Variants in DHX34 observed in about 807,000 individuals in gnomAD.
DHX34 encodes probable ATP-dependent RNA helicase DHX34.
DHX34 carries 96 observed loss-of-function variants against 111.1 expected under a neutral mutation model. That is an observed-to-expected ratio of 0.86 (90% CI 0.73 to 1.02). The LOEUF (loss-of-function observed/expected upper bound fraction) is 1.02. Ranked by LOEUF, DHX34 falls within the 50% of genes least tolerant of loss-of-function variation. The probability of loss-of-function intolerance (pLI) is 0.00; values close to 1 mark genes in which losing one functional copy is unlikely to be tolerated. For missense variants in DHX34, 1,560 were observed against 1,579.9 expected (o/e 0.99, Z 0.21); for synonymous variants, 688 against 670.4 (o/e 1.03, Z -0.41).
chr19:47,382,403 C>T lies in DHX34; in HGVS notation c.*290C>T, dbSNP rs768595881. The T allele has an allele frequency of 9.4e-5, 36 of 383,276 alleles. No homozygotes were observed. Among genetic ancestry groups the T allele is most frequent in the Non-Finnish European group, 1.4e-4 (29 of 214,620 alleles). 23.7% of individuals were successfully genotyped at this position (383,276 alleles called of 1,614,324 possible). A position where few individuals can be genotyped will look rare whatever the true frequency, so the allele number is the denominator to read the frequency against. On this transcript the variant is annotated 3_prime_UTR_variant, in exon 17 of 17. Transcript: ENST00000328771. ...CCTGAGGGGTCCTGGGTAGGAGGGGCGTTAGAGCCAGCAGGGACCTCCCAT... is the reference window on the plus strand; with the variant it reads ...CCTGAGGGGTCCTGGGTAGGAGGGGTGTTAGAGCCAGCAGGGACCTCCCAT...
intron 2 of DHX34, among the ~76,000 whole-genome samples, chr19:47,354,565 C>A (rs1213512053): frequency 6.6e-6 from 1 of 152,216 alleles, no homozygotes. Flanking sequence ...TCAGTTGGCA[C>A]TAAGTGGCAG....
chr19:47,376,963 T>C, intron 12 of DHX34, 137 bp from the exon 13 acceptor site: 1 of 1,545,396 alleles, frequency 6.5e-7, no homozygotes. Context: ...GACCTTCTTG[T>C]CTGAGCCAGG....
At chr19:47,381,917 G>A (rs1366657088) in intron 16 of DHX34, 63 bp from the exon 17 acceptor site, 39 of 1,603,102 alleles carry the variant, frequency 2.4e-5, no homozygotes, top group Non-Finnish European at 3.2e-5. Flanking sequence ...CCTGGCATTT[G>A]GGTGCAGGTA....
At chr19:47,376,998 A>G (rs751312066) in intron 12 of DHX34, 102 bp from the exon 13 acceptor site, 1 of 1,584,720 alleles carries the variant, frequency 6.3e-7, no homozygotes, top group Non-Finnish European at 8.6e-7. Context: ...CCGTAAGCAT[A>G]CTCTTTCTAT....
At position 47,355,112 on chromosome 19, in the gene DHX34, TC is replaced by T; in HGVS notation, c.781del (p.Leu261CysfsTer16). ...TKIVFLTVGL[L>X]LRQIQREPSL... ...ATTGTATTCCTGACAGTGGGGCTGCTCCTGCGACAAATCCAGCGGGAACCCA... is the reference window on the plus strand; with the variant it reads ...ATTGTATTCCTGACAGTGGGGCTGCTCTGCGACAAATCCAGCGGGAACCCA... On this transcript the variant is annotated frameshift_variant, in exon 3 of 17. Coordinates refer to ENST00000328771, the MANE Select transcript of DHX34 (RefSeq NM_014681.6). LOFTEE classifies it high-confidence loss of function. 1 of 1,613,896 alleles carries T rather than the reference TC, an allele frequency of 6.2e-7. No individual in the cohort carries two copies. The highest frequency in any genetic ancestry group is 8.5e-7 in the Non-Finnish European group (1 of 1,179,984).
rs560511377 is a variant in DHX34, at chr19:47,376,627, C to T, written c.2599+67C>T. ...GAGGGGCAGGGATACCGTGAACTCCCAGGCCCCTCTGGCTGGGGCTCCCAC... is the reference window on the plus strand; with the variant it reads ...GAGGGGCAGGGATACCGTGAACTCCTAGGCCCCTCTGGCTGGGGCTCCCAC... On this transcript the variant is annotated intron_variant, in intron 12 of 16. Transcript: ENST00000328771. 7 of 1,522,622 alleles carry T rather than the reference C, an allele frequency of 4.6e-6. No individual in the cohort carries two copies. The South Asian group carries it at 7.5e-5, about 16-fold the overall frequency. 94.3% of individuals were successfully genotyped at this position (1,522,622 alleles called of 1,614,324 possible).
chr19:47,364,865 CG>C (rs1969743301), intron 6 of DHX34, among the ~76,000 whole-genome samples: 1 of 152,162 alleles, frequency 6.6e-6, no homozygotes, highest in Admixed American at 6.6e-5. Context: ...GGGCTCCATC[CG>C]AGGCCACCAG....
rs1041088942 is a variant in DHX34, at chr19:47,353,814, A to G, written c.705+79A>G. 2 of 1,305,474 alleles carry G rather than the reference A, an allele frequency of 1.5e-6. No homozygotes were observed. Among genetic ancestry groups the G allele is most frequent in the Non-Finnish European group, 2.0e-6 (2 of 978,272 alleles). The allele number at this position is 1,305,474 out of a possible 1,614,324, so 80.9% of individuals were successfully genotyped here. The stretch of plus-strand genomic sequence containing the variant: ...GGTTGCTTGTCCATATGGCAGTATC[A>G]ATAAAAATGAAGCACTTACCCTTGG... On this transcript the variant is annotated intron_variant, in intron 2 of 16. Coordinates refer to ENST00000328771, the MANE Select transcript of DHX34 (RefSeq NM_014681.6). The surrounding 1 kb of genome is among the most constrained non-coding windows in gnomAD (Gnocchi z 4.6).
At chr19:47,362,410 C>G in intron 5 of DHX34, 66 bp from the exon 6 acceptor site, 2 of 1,432,530 alleles carry the variant, frequency 1.4e-6, no homozygotes, top group Non-Finnish European at 1.8e-6. Flanking sequence ...TGACAAGAGC[C>G]AGGCGCGTGG....
chr19:47,380,740 G>A, intron 14 of DHX34, 76 bp from the exon 15 acceptor site: 1 of 1,589,002 alleles, frequency 6.3e-7, no homozygotes, highest in South Asian at 1.1e-5. Flanking sequence ...AGGGCTTCAG[G>A]CACAGCTGGA....
intron 6 of DHX34, among the ~76,000 whole-genome samples, chr19:47,365,652 A>G (rs1403528320): frequency 6.6e-6 from 1 of 152,152 alleles, no homozygotes; most frequent in Admixed American, 6.6e-5. Context: ...TGGACGCCAG[A>G]ACTTCTAGTG....
rs772558941 is a variant in DHX34 at position 47,353,071 on chromosome 19, A to T, written c.41A>T (p.Asp14Val). ...PRTREGRDRRDHHRAPSEEEA... is the reference protein window; with the variant it reads ...PRTREGRDRRVHHRAPSEEEA... ...ACAAGGGAGGGCAGGGATCGCCGAG[A>T]CCACCACCGGGCTCCCAGCGAGGAA... Residue 14 changes from aspartate (D) to valine (V), a missense_variant, in exon 2 of 17, where the codon GAC becomes GTC. Transcript: ENST00000328771. This position sits in a 1 kb window ranked among gnomAD's most constrained non-coding sequence, Gnocchi z 4.6. 7 of 1,613,812 alleles carry T rather than the reference A, an allele frequency of 4.3e-6. No homozygotes were observed. Among genetic ancestry groups the T allele is most frequent in the Non-Finnish European group, 5.9e-6 (7 of 1,179,760 alleles).
In DHX34 at chr19:47,353,539, G is replaced by A. The variant is rs760835795; in HGVS notation, c.509G>A (p.Arg170His). The A allele has an allele frequency of 1.7e-5, 28 of 1,613,204 alleles. No individual in the cohort carries two copies. The highest frequency in any genetic ancestry group is 5.0e-5 in the Admixed American group (3 of 59,988). ...CTCCCCATCGCCCAGTATGGGAACC[G>A]CATCCTGCAGACGCTGAAGGAGCAC... is the stretch of plus-strand genomic sequence containing the variant. The part of the protein sequence containing the change: ...AALPIAQYGN[R>H]ILQTLKEHQV... The change falls in exon 2 of 17, where the codon CGC becomes CAC. Residue 170 changes from arginine to histidine, a missense_variant. Transcript: ENST00000328771. This position sits in a 1 kb window ranked among gnomAD's most constrained non-coding sequence, Gnocchi z 4.6.
At position 47,367,064 on chromosome 19, in the gene DHX34, C is replaced by T. The variant is rs1392066370; in HGVS notation, c.1677C>T (p.Leu559=). 11 of 1,610,046 alleles carry T rather than the reference C, an allele frequency of 6.8e-6. No individual in the cohort carries two copies. Among genetic ancestry groups the T allele is most frequent in the Non-Finnish European group, 5.1e-6 (6 of 1,178,062 alleles). The change falls in exon 7 of 17, where the codon CTC becomes CTT. Residue 559 remains leucine, a synonymous_variant. Transcript: ENST00000328771. ...CAGCCAGCCTGGAAACCGCCATCCT[C>T]TACCTCCGGGACCAGGGGGCCCTGG... ...PPPASLETAI[L]YLRDQGALDS...
At chr19:47,381,514 G>A (rs774036269) in intron 16 of DHX34, 190 bp downstream of exon 16, 20 of 784,956 alleles carry the variant, frequency 2.5e-5, no homozygotes, top group South Asian at 8.0e-5. Flanking sequence ...AGCCTGGAGC[G>A]CCACCTCTTT....
chr19:47,376,978 C>CA, intron 12 of DHX34, 122 bp from the exon 13 acceptor site: 2 of 1,556,382 alleles, frequency 1.3e-6, no homozygotes, highest in Non-Finnish European at 1.7e-6. Flanking sequence ...GCCAGGCCAC[C>CA]AAAGCCATGC....
At chr19:47,363,070 C>T (rs1377669754) in intron 6 of DHX34, among the ~76,000 whole-genome samples, 2 of 152,130 alleles carry the variant, frequency 1.3e-5, no homozygotes, top group Non-Finnish European at 2.9e-5. Context: ...CCTGCCTCAG[C>T]CTTCCTAGTA....
At chr19:47,363,246 G>T (rs548565344) in intron 6 of DHX34, among the ~76,000 whole-genome samples, 2 of 151,834 alleles carry the variant, frequency 1.3e-5, no homozygotes, top group African/African-American at 4.8e-5. Context: ...GAGCCACCGC[G>T]CCCGGCCTAA....
rs1488901732 is a variant in DHX34, at chr19:47,375,487, C to T, written c.2086C>T (p.Leu696=). The T allele has an allele frequency of 1.3e-6, 2 of 1,580,678 alleles. No individual in the cohort carries two copies. The highest frequency in any genetic ancestry group is 3.5e-5 in the Admixed American group (2 of 57,106). ...QFKELLEDHG[L]LAGAQAAQVG... ...CTAGGAGCTGTTGGAGGACCACGGG[C>T]TGCTGGCTGGGGCCCAGGCCGCGCA... Residue 696 remains leucine, a synonymous_variant, in exon 10 of 17, where the codon CTG becomes TTG. Transcript: ENST00000328771.
Sources: gnomAD v4.1 joint callset for allele counts (sites outside exome capture counted in the v4.1 genomes callset) on GRCh38, gnomAD v4.1.1 for gene constraint, Gnocchi (gnomAD v3.1) non-coding constraint, MANE v1.5 for transcripts, NCBI Gene and HGNC (gene_info 2026-07-23, HGNC 2026-07-21) for gene names.